ABTB3: variants seen among roughly 807,000 people sequenced by gnomAD.
The protein encoded by ABTB3 is ankyrin repeat- and BTB/POZ domain-containing protein 3.
chr12:107,646,261 C>T, the ABTB3 span, among the ~76,000 whole-genome samples: 2 of 152,306 alleles, frequency 1.3e-5, no homozygotes, highest in East Asian at 1.9e-4. Flanking sequence ...AGGCTTGTGC[C>T]GGCAGAGTTT....
At chr12:107,378,419 G>T in the ABTB3 span, among the ~76,000 whole-genome samples, 2 of 152,088 alleles carry the variant, frequency 1.3e-5, no homozygotes, top group African/African-American at 2.4e-5. Context: ...TGTACACTAT[G>T]GTATTTCATC....
At chr12:107,621,076 C>T in the ABTB3 span, among the ~76,000 whole-genome samples, 1 of 152,230 alleles carries the variant, frequency 6.6e-6, no homozygotes, top group African/African-American at 2.4e-5. Context: ...GGGCTGCTTC[C>T]TCCACACAGC....
At chr12:107,505,082 A>G in the ABTB3 span, among the ~76,000 whole-genome samples, 1 of 152,206 alleles carries the variant, frequency 6.6e-6, no homozygotes. Flanking sequence ...ATTTCAGGGA[A>G]CATAATGCAT....
chr12:107,642,313 A>C, the ABTB3 span: 1 of 691,032 alleles, frequency 1.4e-6, no homozygotes, highest in Non-Finnish European at 2.5e-6. Flanking sequence ...GCCCCTCCTC[A>C]CAGTGCCCCT....
the ABTB3 span, among the ~76,000 whole-genome samples, chr12:107,500,869 G>C: frequency 1.3e-5 from 2 of 152,128 alleles, no homozygotes; most frequent in Admixed American, 6.5e-5. Flanking sequence ...GAGCCTTTAA[G>C]TGGCTCTTCA....
the ABTB3 span, among the ~76,000 whole-genome samples, chr12:107,355,554 C>G: frequency 6.6e-6 from 1 of 152,226 alleles, no homozygotes; most frequent in African/African-American, 2.4e-5. Context: ...CCTCATCCCC[C>G]ACCCTGCCAC....
chr12:107,468,225 C>T, the ABTB3 span, among the ~76,000 whole-genome samples: 230 of 152,238 alleles, frequency 1.5e-3, no homozygotes, highest in African/African-American at 5.2e-3. Context: ...ATCTGAAGAC[C>T]AAGCACTCCC....
At chr12:107,365,476 T>G in the ABTB3 span, among the ~76,000 whole-genome samples, 4 of 152,314 alleles carry the variant, frequency 2.6e-5, no homozygotes, top group African/African-American at 9.6e-5. Flanking sequence ...TGATGTCAGA[T>G]TTTAATCCCA....
chr12:107,402,857 A>G, the ABTB3 span, among the ~76,000 whole-genome samples: 3,630 of 152,272 alleles, frequency 0.024, 146 homozygotes, highest in African/African-American at 0.078. Context: ...CAGTCAATTG[A>G]ATACCTGTGG....
chr12:107,392,989 A>AG, the ABTB3 span, among the ~76,000 whole-genome samples: 1 of 152,180 alleles, frequency 6.6e-6, no homozygotes, highest in East Asian at 1.9e-4. Context: ...TTGCTCCTTC[A>AG]GGGTGAGTCT....
chr12:107,590,926 A>G, the ABTB3 span, among the ~76,000 whole-genome samples: 1 of 152,314 alleles, frequency 6.6e-6, no homozygotes, highest in Admixed American at 6.5e-5. Context: ...CAAAGCTCCC[A>G]AACTCTAGTT....
At chr12:107,430,569 T>A in the ABTB3 span, among the ~76,000 whole-genome samples, 1 of 152,356 alleles carries the variant, frequency 6.6e-6, no homozygotes, top group South Asian at 2.1e-4. Context: ...TAGTTGTCTT[T>A]CATTTATCCA....
At chr12:107,612,912 C>T in the ABTB3 span, 4 of 1,581,090 alleles carry the variant, frequency 2.5e-6, no homozygotes, top group East Asian at 6.8e-5. Flanking sequence ...CCGGCAGTCC[C>T]CAGGGGAAAG....
the ABTB3 span, among the ~76,000 whole-genome samples, chr12:107,596,632 A>G: frequency 6.6e-6 from 1 of 152,074 alleles, no homozygotes; most frequent in South Asian, 2.1e-4. Flanking sequence ...CAACAACAAC[A>G]ACAACCAAAA....
chr12:107,427,884 G>T, the ABTB3 span, among the ~76,000 whole-genome samples: 6 of 152,168 alleles, frequency 3.9e-5, no homozygotes, highest in Admixed American at 3.9e-4. Flanking sequence ...GTGTTCCCTG[G>T]ATGCTGACCA....
At chr12:107,494,659 C>T in the ABTB3 span, among the ~76,000 whole-genome samples, 51 of 152,314 alleles carry the variant, frequency 3.3e-4, no homozygotes, top group South Asian at 1.7e-3. Flanking sequence ...AGGGAGCTTT[C>T]GGAGCCTGGG....
At chr12:107,338,744 C>A in the ABTB3 span, among the ~76,000 whole-genome samples, 1 of 152,206 alleles carries the variant, frequency 6.6e-6, no homozygotes, top group Non-Finnish European at 1.5e-5. Context: ...TGACCCTGGC[C>A]CCTACCCTCT....
At chr12:107,509,049 G>A in the ABTB3 span, among the ~76,000 whole-genome samples, 1 of 152,174 alleles carries the variant, frequency 6.6e-6, no homozygotes, top group African/African-American at 2.4e-5. Context: ...GAGGAGTTGG[G>A]GGACTGAAGC....
At chr12:107,482,962 T>TTCTG in the ABTB3 span, among the ~76,000 whole-genome samples, 1 of 67,994 alleles carries the variant, frequency 1.5e-5, no homozygotes, top group Non-Finnish European at 2.8e-5. Context: ...CTTTCTTTCT[T>TTCTG]TCTTTCTTTC....
Sources: gnomAD v4.1 joint callset for allele counts (sites outside exome capture counted in the v4.1 genomes callset) on GRCh38, gnomAD v4.1.1 for gene constraint, MANE v1.5 for transcripts, NCBI Gene and HGNC (gene_info 2026-07-23, HGNC 2026-07-21) for gene names.